MFSD11: variants seen among roughly 807,000 people sequenced by gnomAD.
MFSD11 encodes the protein UNC93-like protein MFSD11.
In MFSD11, 36 loss-of-function variants were observed where a neutral mutation model predicts 53.5. That is an observed-to-expected ratio of 0.67 (90% confidence interval 0.52 to 0.89). MFSD11 has a LOEUF of 0.89. MFSD11 is among the 40% of genes least tolerant of loss of function. The pLI, the probability that MFSD11 is intolerant of heterozygous loss-of-function variation, is 0.00. For synonymous variants in MFSD11, 186 were observed against 184.9 expected (o/e 1.01, Z -0.05); for missense variants, 530 against 543.9 (o/e 0.97, Z 0.25).
chr17:76,738,278 C>G lies in MFSD11; in HGVS notation c.-75C>G. The G allele has an allele frequency of 1.1e-6, 1 of 951,032 alleles. No individual in the cohort carries two copies. Among genetic ancestry groups the G allele is most frequent in the Non-Finnish European group, 1.7e-6 (1 of 593,528 alleles). 58.9% of individuals were successfully genotyped at this position (951,032 alleles called of 1,614,324 possible). A position where few individuals can be genotyped will look rare whatever the true frequency, so the allele number is the denominator to read the frequency against. ...TCCACTCACCATCTCATTTCTTTCT[C>G]CAGGATTGTCAGTGGCTTCGCCCCG... On this transcript the variant is annotated 5_prime_UTR_variant, in exon 1 of 13. Coordinates refer to ENST00000685175, the MANE Select transcript of MFSD11 (RefSeq NM_001242532.5).
intron 8 of MFSD11, among the ~76,000 whole-genome samples, chr17:76,755,754 ATATG>A (rs1268393590): frequency 5.0e-5 from 6 of 121,158 alleles, no homozygotes; most frequent in Admixed American, 2.8e-4. Context: ...ATATATGTGT[ATATG>A]TATATATGTA....
rs554797249 is a variant in MFSD11, at chr17:76,762,006, A to G, written c.683-5380A>G. Among the ~76,000 whole-genome samples the G allele has an allele frequency of 2.0e-4, 30 of 152,152 alleles. No individual in the cohort carries two copies. The South Asian group carries it at 5.6e-3, about 28-fold the overall frequency. On this transcript the variant is annotated intron_variant, in intron 8 of 12. Coordinates refer to ENST00000685175, the MANE Select transcript of MFSD11 (RefSeq NM_001242532.5). The stretch of plus-strand genomic sequence containing the variant: ...CATTGCAAAGTCAGTACAATTTATT[A>G]TATTCAGAGTCGTGTAACCATCACT...
At chr17:76,757,870 G>A (rs1409666984) in intron 8 of MFSD11, among the ~76,000 whole-genome samples, 1 of 152,086 alleles carries the variant, frequency 6.6e-6, no homozygotes, top group Admixed American at 6.6e-5. Flanking sequence ...AATTAGCCAG[G>A]CATGGTGGTG....
At position 76,778,450 on chromosome 17, in the gene MFSD11, G is replaced by A; in HGVS notation, c.*98G>A. 8.3e-7 allele frequency: 1 copy of A among 1,208,612 alleles called. No homozygotes were observed. Among genetic ancestry groups the A allele is most frequent in the Non-Finnish European group, 1.2e-6 (1 of 846,662 alleles). 74.9% of individuals were successfully genotyped at this position (1,208,612 alleles called of 1,614,324 possible). Reference sequence around the variant, plus strand: ...CTTTGATCTTCACTATATATTGGGTGATGTTCAGTATGGAAAATCAAGGGA... The same window carrying A: ...CTTTGATCTTCACTATATATTGGGTAATGTTCAGTATGGAAAATCAAGGGA... On this transcript the variant is annotated 3_prime_UTR_variant, in exon 13 of 13. Transcript: ENST00000685175.
intron 5 of MFSD11, among the ~76,000 whole-genome samples, chr17:76,742,708 G>C (rs151022472): frequency 2.2e-4 from 33 of 152,184 alleles, no homozygotes; most frequent in East Asian, 1.7e-3. Context: ...GTTTCACTAT[G>C]TTGGCCAGGC....
At chr17:76,770,995 A>C (rs2081335664) in intron 10 of MFSD11, among the ~76,000 whole-genome samples, 1 of 152,242 alleles carries the variant, frequency 6.6e-6, no homozygotes, top group African/African-American at 2.4e-5. Context: ...ACTTGAGCCC[A>C]GGAGTTCGAG....
Position 76,764,410 on chromosome 17 carries a change from C to A in MFSD11, c.683-2976C>A, listed in dbSNP as rs549646393. On this transcript the variant is annotated intron_variant, in intron 8 of 12. Coordinates refer to ENST00000685175, the MANE Select transcript of MFSD11 (RefSeq NM_001242532.5). Reference sequence around the variant, plus strand: ...CTCTTTAACCAACGTCTCCCTATTTCCCCCACCCTCCAGCCCCGGCAACCA... The same window carrying A: ...CTCTTTAACCAACGTCTCCCTATTTACCCCACCCTCCAGCCCCGGCAACCA... Among the ~76,000 whole-genome samples, 7 of 152,232 alleles carry A rather than the reference C, an allele frequency of 4.6e-5. No individual in the cohort carries two copies. In the East Asian group the frequency reaches 1.4e-3, roughly 29 times the overall value.
At position 76,776,008 on chromosome 17, in the gene MFSD11, C is replaced by T. The variant is rs1053849924; in HGVS notation, c.1050-398C>T. Among the ~76,000 whole-genome samples the T allele has an allele frequency of 1.3e-5, 2 of 152,200 alleles. No individual in the cohort carries two copies. Among genetic ancestry groups the T allele is most frequent in the Admixed American group, 1.3e-4 (2 of 15,278 alleles). The stretch of plus-strand genomic sequence containing the variant: ...ATTTATTTATTTTGAGACAGAGTCT[C>T]ACTCTGTCTGCCAGCCTAGAATGCA... On this transcript the variant is annotated intron_variant, in intron 11 of 12. Transcript: ENST00000685175. This position sits in a 1 kb window ranked among gnomAD's most constrained non-coding sequence, Gnocchi z 4.2.
rs2077712935 is a variant in MFSD11 at position 76,738,439 on chromosome 17, A to C, written c.87A>C (p.Gly29=). ...MFMFTAFQTC[G]NVAQTVIRSL... is the part of the protein sequence containing the mutation. ...TGTTCACTGCCTTTCAAACTTGTGG[A>C]AATGTGGCGGTGAGTTGGAATCTGT... is the stretch of plus-strand genomic sequence containing the variant. The change falls in exon 1 of 13, where the codon GGA becomes GGC. Residue 29 remains glycine (G), a synonymous_variant. Transcript: ENST00000685175. The C allele has an allele frequency of 6.2e-7, 1 of 1,613,102 alleles. No homozygotes were observed. Among genetic ancestry groups the C allele is most frequent in the Non-Finnish European group, 8.5e-7 (1 of 1,179,174 alleles).
intron 7 of MFSD11, among the ~76,000 whole-genome samples, chr17:76,753,535 T>C (rs2079259715): frequency 1.3e-5 from 2 of 151,666 alleles, no homozygotes. Context: ...TATCTGGGTG[T>C]GGTGGGACCC....
rs182538817 is a variant in MFSD11, at chr17:76,767,822, C to T, written c.748+371C>T. On this transcript the variant is annotated intron_variant, in intron 9 of 12. Transcript: ENST00000685175. ...CTTAAAGCTCAGGCTTCAGTCTAGC[C>T]CAGCATCACTTCTACTGGATTCTGT... Among the ~76,000 whole-genome samples the T allele has an allele frequency of 3.6e-3, 541 of 152,186 alleles. 4 individuals are homozygous for T. The highest frequency in any genetic ancestry group is 4.5e-3 in the Non-Finnish European group (305 of 68,008).
At chr17:76,788,036 A>G in the MFSD11 span, among the ~76,000 whole-genome samples, 1 of 145,890 alleles carries the variant, frequency 6.9e-6, no homozygotes, top group Non-Finnish European at 1.5e-5. Flanking sequence ...TTTTTTTGAG[A>G]CAGAGTCTCA....
intron 9 of MFSD11, 114 bp downstream of exon 9, chr17:76,767,565 G>A: frequency 3.0e-6 from 2 of 660,056 alleles, no homozygotes; most frequent in Non-Finnish European, 5.2e-6. Context: ...TCAGTGAATG[G>A]TTCTTCTCAT....
intron 7 of MFSD11, among the ~76,000 whole-genome samples, chr17:76,746,720 C>T (rs1198714219): frequency 5.3e-5 from 8 of 152,138 alleles, no homozygotes; most frequent in Non-Finnish European, 8.8e-5. Flanking sequence ...TACGGCATGG[C>T]TTATTGACTA....
At position 76,769,861 on chromosome 17, in the gene MFSD11, A is replaced by G. The variant is rs2081233618; in HGVS notation, c.864A>G (p.Gly288=). 2 of 1,606,680 alleles carry G rather than the reference A, an allele frequency of 1.2e-6. No homozygotes were observed. Among genetic ancestry groups the G allele is most frequent in the Non-Finnish European group, 1.7e-6 (2 of 1,178,468 alleles). The change falls in exon 10 of 13, where the codon GGA becomes GGG. Residue 288 remains glycine (G), a synonymous_variant. Transcript: ENST00000685175. The part of the protein sequence containing the change: ...IGLSGIFIGI[G]EILGGSLFGL... ...TTTCTGGCATTTTCATCGGCATTGGAGAAATTTTAGGTTGGTTTTAAAAAA... is the reference window on the plus strand; with the variant it reads ...TTTCTGGCATTTTCATCGGCATTGGGGAAATTTTAGGTTGGTTTTAAAAAA...
At chr17:76,754,235 T>G in intron 8 of MFSD11, 148 bp downstream of exon 8, 1 of 616,246 alleles carries the variant, frequency 1.6e-6, no homozygotes, top group Non-Finnish European at 2.9e-6. Context: ...TTGATCTTCC[T>G]TATCAACATC....
In MFSD11 at chr17:76,738,619, C is replaced by T. The variant is rs77665288; in HGVS notation, c.96+171C>T. On this transcript the variant is annotated intron_variant, in intron 1 of 12. Transcript: ENST00000685175. ...GTTTGATTTCTTGTGTCAGACATTT[C>T]TCATGGGGGCGTTAAGCATTATCGT... The T allele has an allele frequency of 1.7e-3, 1,043 of 617,240 alleles. 6 individuals carry two copies. The highest frequency in any genetic ancestry group is 0.015 in the South Asian group (741 of 48,610). 38.2% of individuals were successfully genotyped at this position (617,240 alleles called of 1,614,324 possible). A position where few individuals can be genotyped will look rare whatever the true frequency, so the allele number is the denominator to read the frequency against.
chr17:76,772,124 A>AG (rs1299815559), intron 10 of MFSD11, among the ~76,000 whole-genome samples: 1 of 152,164 alleles, frequency 6.6e-6, no homozygotes, highest in Non-Finnish European at 1.5e-5. Flanking sequence ...CAAATTGATA[A>AG]GAAATTGCGA....
In MFSD11 at chr17:76,744,943, C is replaced by T. The variant is rs987082140; in HGVS notation, c.641+477C>T. Among the ~76,000 whole-genome samples the T allele has an allele frequency of 1.1e-4, 16 of 152,278 alleles. 1 individual carries two copies. Among genetic ancestry groups the T allele is most frequent in the Admixed American group, 7.8e-4 (12 of 15,300 alleles). ...TCACTAGGCTCTTGCTTATGGTGTC[C>T]GGCTCTTGCACTAACTTACATAGGC... On this transcript the variant is annotated intron_variant, in intron 7 of 12. Transcript: ENST00000685175.
Sources: gnomAD v4.1 joint callset for allele counts (sites outside exome capture counted in the v4.1 genomes callset) on GRCh38, gnomAD v4.1.1 for gene constraint, Gnocchi (gnomAD v3.1) non-coding constraint, MANE v1.5 for transcripts, NCBI Gene and HGNC (gene_info 2026-07-23, HGNC 2026-07-21) for gene names.